CNOT4: variants seen among roughly 807,000 people sequenced by gnomAD.
CNOT4 encodes the protein CCR4-NOT transcription complex subunit 4, also known as CCR4-associated factor 4.
CNOT4 carries 8 observed loss-of-function variants against 73.8 expected under a neutral mutation model. The ratio of observed to expected loss-of-function variants is 0.11; its 90% CI spans 0.06 to 0.20. The LOEUF (loss-of-function observed/expected upper bound fraction) is 0.20. CNOT4 is among the 10% of genes least tolerant of loss of function. CNOT4 has a pLI of 1.00. For synonymous variants in CNOT4, 293 were observed against 321.1 expected (o/e 0.91, Z 0.94); for missense variants, 564 against 883.4 (o/e 0.64, Z 4.58).
chr7:135,465,737 A>G (rs1801178398), intron 1 of CNOT4, among the ~76,000 whole-genome samples: 1 of 152,026 alleles, frequency 6.6e-6, no homozygotes, highest in Non-Finnish European at 1.5e-5. Flanking sequence ...TTAACAAAAA[A>G]AAAAAATTTT....
At chr7:135,390,402 A>C (rs952777386) in intron 10 of CNOT4, among the ~76,000 whole-genome samples, 5 of 152,150 alleles carry the variant, frequency 3.3e-5, no homozygotes, top group African/African-American at 1.2e-4. Flanking sequence ...TTTTAGGACA[A>C]GGTAAATCAC....
chr7:135,377,040 T>C (rs1268503275), intron 10 of CNOT4, among the ~76,000 whole-genome samples: 1 of 152,218 alleles, frequency 6.6e-6, no homozygotes, highest in East Asian at 1.9e-4. Context: ...AGACCAAGCA[T>C]ACATCTTTAA....
At chr7:135,451,984 G>A (rs961511621) in intron 1 of CNOT4, among the ~76,000 whole-genome samples, 4 of 152,070 alleles carry the variant, frequency 2.6e-5, no homozygotes, top group South Asian at 2.1e-4. Flanking sequence ...GTAGTGGCTC[G>A]CAGCTGTAAT....
chr7:135,431,104 T>A (rs1359571076), intron 2 of CNOT4, among the ~76,000 whole-genome samples: 1 of 151,946 alleles, frequency 6.6e-6, no homozygotes, highest in Non-Finnish European at 1.5e-5. Context: ...TACAAAAAAA[T>A]TTTTTAAACA....
At chr7:135,460,764 C>A (rs189490564) in intron 1 of CNOT4, among the ~76,000 whole-genome samples, 6 of 151,774 alleles carry the variant, frequency 4.0e-5, no homozygotes, top group African/African-American at 1.5e-4. Context: ...CACAAACCTT[C>A]AATTTGAAAA....
Position 135,495,678 on chromosome 7 carries a change from AAAAAAAAAAAAAAAAGAAAG to A in CNOT4, c.-93+14191_-93+14210del, listed in dbSNP as rs1563083334. Among the ~76,000 whole-genome samples, 881 of 94,512 alleles carry A rather than the reference AAAAAAAAAAAAAAAAGAAAG, an allele frequency of 9.3e-3. 10 individuals are homozygous for A. Among genetic ancestry groups the A allele is most frequent in the Non-Finnish European group, 0.014 (657 of 45,728 alleles). 62.0% of individuals were successfully genotyped at this position (94,512 alleles called of 152,430 possible). A position where few individuals can be genotyped will look rare whatever the true frequency, so the allele number is the denominator to read the frequency against. ...GAGTGAGACCCTGTGTCAAAAAAAA[AAAAAAAAAAAAAAAAGAAAG>A]AAAGAAAGAAAGAAAGAAAGAAAGA... On this transcript the variant is annotated intron_variant, in intron 1 of 11. Coordinates refer to ENST00000541284, the MANE Select transcript of CNOT4 (RefSeq NM_001190850.2).
intron 1 of CNOT4, among the ~76,000 whole-genome samples, chr7:135,491,500 A>C (rs913031522): frequency 1.3e-5 from 2 of 152,264 alleles, no homozygotes; most frequent in African/African-American, 4.8e-5. Flanking sequence ...AACGTAGATC[A>C]TCACCCAAGA....
In CNOT4 at chr7:135,364,232, G is replaced by A. The variant is rs1466976352; in HGVS notation, c.1628-166C>T. Among the ~76,000 whole-genome samples, 3 of 152,186 alleles carry A rather than the reference G, an allele frequency of 2.0e-5. No homozygotes were observed. Among genetic ancestry groups the A allele is most frequent in the African/African-American group, 4.8e-5 (2 of 41,440 alleles). On this transcript the variant is annotated intron_variant, in intron 10 of 11. Transcript: ENST00000541284. This position sits in a 1 kb window ranked among gnomAD's most constrained non-coding sequence, Gnocchi z 4.3. ...GATAAACTTGGTTAGGATTTTGCTC[G>A]TGAGCTCAGAGCCCCTGAAGTGAGG...
At chr7:135,467,231 CT>C (rs1412138615) in intron 1 of CNOT4, among the ~76,000 whole-genome samples, 1 of 152,178 alleles carries the variant, frequency 6.6e-6, no homozygotes, top group African/African-American at 2.4e-5. Context: ...ACTAAGCACT[CT>C]GTCACCTTCA....
In CNOT4 at chr7:135,363,905, T is replaced by C. The variant is rs1379999094; in HGVS notation, c.1789A>G (p.Ser597Gly). ...CTGCCAGGGCTGTCCCAACTCAGGCTGTCGGTGGTGGCAGTGTTGGACGTT... is the reference window on the plus strand; with the variant it reads ...CTGCCAGGGCTGTCCCAACTCAGGCCGTCGGTGGTGGCAGTGTTGGACGTT... The part of the protein sequence containing the change: ...APTSNTATTD[S>G]LSWDSPGSWT... Residue 597 changes from serine to glycine, a missense_variant, in exon 11 of 12, where the codon AGC becomes GGC. Physicochemically the swap from Ser to Gly is moderately conservative, Grantham distance 56. Transcript: ENST00000541284. This position sits in a 1 kb window ranked among gnomAD's most constrained non-coding sequence, Gnocchi z 4.3. 14 of 1,598,432 alleles carry C rather than the reference T, an allele frequency of 8.8e-6. No individual in the cohort carries two copies. The South Asian group carries it at 1.4e-4, about 16-fold the overall frequency.
At chr7:135,384,412 G>A (rs998550141) in intron 10 of CNOT4, 1 of 361,608 alleles carries the variant, frequency 2.8e-6, no homozygotes, top group Non-Finnish European at 5.2e-6. Flanking sequence ...AGCCTCCCGA[G>A]TAGCTGGGGC....
chr7:135,435,108 T>C (rs1799071339), intron 2 of CNOT4, among the ~76,000 whole-genome samples: 1 of 152,234 alleles, frequency 6.6e-6, no homozygotes, highest in Non-Finnish European at 1.5e-5. Context: ...TCTTGTTCTG[T>C]TGTATTCTAA....
chr7:135,502,689 G>A (rs553785102), intron 1 of CNOT4, among the ~76,000 whole-genome samples: 137 of 150,634 alleles, frequency 9.1e-4, no homozygotes, highest in South Asian at 1.5e-3. Context: ...GGTGGCGGGC[G>A]CCTGTAATCC....
intron 1 of CNOT4, among the ~76,000 whole-genome samples, chr7:135,469,638 C>T (rs1198376915): frequency 1.3e-5 from 2 of 152,174 alleles, no homozygotes. Flanking sequence ...CCTCTCACCT[C>T]CATTCCCCTC....
At chr7:135,378,347 T>C (rs1227996528) in intron 10 of CNOT4, among the ~76,000 whole-genome samples, 3 of 151,564 alleles carry the variant, frequency 2.0e-5, no homozygotes, top group Admixed American at 6.6e-5. Context: ...GTACTAAAAA[T>C]ACAAAAATTA....
At chr7:135,398,712 TA>T (rs367958995) in intron 7 of CNOT4, among the ~76,000 whole-genome samples, 17 of 152,010 alleles carry the variant, frequency 1.1e-4, no homozygotes, top group African/African-American at 2.4e-4. Flanking sequence ...TAATAGCTTA[TA>T]GGGGGAAAAA....
intron 10 of CNOT4, among the ~76,000 whole-genome samples, chr7:135,376,015 C>T (rs1472134505): frequency 6.7e-6 from 1 of 149,852 alleles, no homozygotes; most frequent in Non-Finnish European, 1.5e-5. Context: ...TGAGGTTTCC[C>T]AAGTTCAGAG....
At position 135,394,365 on chromosome 7, in the gene CNOT4, C is replaced by T. The variant is rs761020075; in HGVS notation, c.1180G>A (p.Gly394Ser). 2.5e-6 allele frequency: 4 copies of T among 1,613,886 alleles called. No individual in the cohort carries two copies. Among genetic ancestry groups the T allele is most frequent in the Non-Finnish European group, 3.4e-6 (4 of 1,179,846 alleles). Residue 394 changes from glycine to serine, a missense_variant, in exon 10 of 12, where the codon GGT becomes AGT. By Grantham distance (56) the Gly-to-Ser change is moderately conservative (BLOSUM62 0). Transcript: ENST00000541284. ...STDWQAAFGF[G>S]SSKQPEDDLG... Reference sequence around the variant, plus strand: ...TCATCCTCTGGTTGTTTAGAAGAACCAAAGCCAAAAGCTGCTTGCCAGTCT... The same window carrying T: ...TCATCCTCTGGTTGTTTAGAAGAACTAAAGCCAAAAGCTGCTTGCCAGTCT...
intron 1 of CNOT4, chr7:135,444,369 T>C: frequency 1.5e-6 from 1 of 681,778 alleles, no homozygotes; most frequent in South Asian, 1.5e-5. Context: ...GTAATCCAAG[T>C]GTCCATCAAT....
Sources: gnomAD v4.1 joint callset for allele counts (sites outside exome capture counted in the v4.1 genomes callset) on GRCh38, gnomAD v4.1.1 for gene constraint, Gnocchi (gnomAD v3.1) non-coding constraint, MANE v1.5 for transcripts, NCBI Gene and HGNC (gene_info 2026-07-23, HGNC 2026-07-21) for gene names.